LHFPL6: variants seen among roughly 807,000 people sequenced by gnomAD.
LHFPL6 encodes the protein LHFPL tetraspan subfamily member 6 protein.
In LHFPL6, 9 loss-of-function variants were observed where a neutral mutation model predicts 20.6. The observed-to-expected ratio is 0.44, with a 90% CI of 0.26 to 0.76. LHFPL6 has a LOEUF of 0.76. LHFPL6 is among the 30% of genes least tolerant of loss of function. The pLI is 0.20. For synonymous variants in LHFPL6, 105 were observed against 98.7 expected (o/e 1.06, Z -0.38); for missense variants, 218 against 253.5 (o/e 0.86, Z 0.95).
chr13:39,545,980 T>C (rs1870970899), intron 2 of LHFPL6, among the ~76,000 whole-genome samples: 1 of 152,174 alleles, frequency 6.6e-6, no homozygotes, highest in Non-Finnish European at 1.5e-5. Flanking sequence ...TTATTGTTTT[T>C]CTTTTCCCTA....
chr13:39,530,520 C>T (rs775815591), intron 2 of LHFPL6, among the ~76,000 whole-genome samples: 4 of 152,076 alleles, frequency 2.6e-5, no homozygotes, highest in African/African-American at 4.8e-5. Context: ...CATCACACTG[C>T]ACAAATTCAA....
At chr13:39,482,375 G>A (rs1416183639) in intron 2 of LHFPL6, among the ~76,000 whole-genome samples, 2 of 152,042 alleles carry the variant, frequency 1.3e-5, no homozygotes, top group Non-Finnish European at 2.9e-5. Flanking sequence ...ACCTAGGGGT[G>A]GAGGTTGTGG....
chr13:39,537,992 CTTT>C (rs57732900), intron 2 of LHFPL6, among the ~76,000 whole-genome samples: 4 of 43,560 alleles, frequency 9.2e-5, no homozygotes, highest in Admixed American at 2.7e-4. Flanking sequence ...TTCTTTCTTT[CTTT>C]TTTTTTTTTT....
intron 2 of LHFPL6, among the ~76,000 whole-genome samples, chr13:39,499,022 G>A (rs150877566): frequency 2.2e-4 from 34 of 152,160 alleles, no homozygotes; most frequent in African/African-American, 7.0e-4. Flanking sequence ...CACCACGTCC[G>A]GCTAAATTTT....
rs191342689 is a variant in LHFPL6 at position 39,515,829 on chromosome 13, C to A, written c.385+85003G>T. 3.9e-3 allele frequency among the ~76,000 whole-genome samples: 587 copies of A among 151,834 alleles called. 6 individuals carry two copies. Among genetic ancestry groups the A allele is most frequent in the African/African-American group, 0.014 (565 of 41,374 alleles). ...AAGCATTATTAACTAAGAGAGGAGG[C>A]CAATAATAAAAACTATTTGTTTTCA... is the stretch of plus-strand genomic sequence containing the variant. On this transcript the variant is annotated intron_variant, in intron 2 of 3. Transcript: ENST00000379589.
At chr13:39,471,640 C>T (rs1005777609) in intron 2 of LHFPL6, among the ~76,000 whole-genome samples, 1 of 152,196 alleles carries the variant, frequency 6.6e-6, no homozygotes, top group East Asian at 1.9e-4. Context: ...AGCTGTGTTG[C>T]TAAGTTGAAT....
At chr13:39,451,704 T>C (rs1872447245) in intron 2 of LHFPL6, among the ~76,000 whole-genome samples, 2 of 152,260 alleles carry the variant, frequency 1.3e-5, no homozygotes, top group African/African-American at 4.8e-5. Context: ...CTACTGTTAA[T>C]ATTTTCTTTT....
chr13:39,584,961 T>G (rs1872402997), intron 2 of LHFPL6, among the ~76,000 whole-genome samples: 1 of 152,172 alleles, frequency 6.6e-6, no homozygotes, highest in Non-Finnish European at 1.5e-5. Context: ...AAGTCTATGG[T>G]GACTCTGACC....
chr13:39,476,843 C>A (rs903349783), intron 2 of LHFPL6, among the ~76,000 whole-genome samples: 3 of 152,154 alleles, frequency 2.0e-5, no homozygotes, highest in Non-Finnish European at 4.4e-5. Flanking sequence ...AAAGCAGTGT[C>A]CCAGTTTAAC....
intron 2 of LHFPL6, among the ~76,000 whole-genome samples, chr13:39,439,804 C>A (rs1364313617): frequency 2.6e-5 from 4 of 152,138 alleles, no homozygotes; most frequent in African/African-American, 9.7e-5. Flanking sequence ...CCTCACTCCC[C>A]CTTTGCCTTC....
chr13:39,347,878 A>G lies in LHFPL6; in HGVS notation c.485-3824T>C, dbSNP rs190906459. On this transcript the variant is annotated intron_variant, in intron 3 of 3. Coordinates refer to ENST00000379589, the MANE Select transcript of LHFPL6 (RefSeq NM_005780.3). ...GGGCTCATAACACAGAATACAATCA[A>G]TTGTTCATTATTAATAATGTATTGA... Among the ~76,000 whole-genome samples, 45 of 152,336 alleles carry G rather than the reference A, an allele frequency of 3.0e-4. No individual in the cohort carries two copies. In the East Asian group the frequency reaches 7.9e-3, roughly 27 times the overall value.
intron 2 of LHFPL6, 90 bp downstream of exon 2, chr13:39,600,742 T>G (rs759483003): frequency 7.7e-7 from 1 of 1,296,834 alleles, no homozygotes; most frequent in African/African-American, 1.5e-5. Context: ...CCAGGTGTCA[T>G]TTATAATAAT....
intron 2 of LHFPL6, among the ~76,000 whole-genome samples, chr13:39,554,041 T>C (rs1871225065): frequency 6.6e-6 from 1 of 152,256 alleles, no homozygotes; most frequent in Admixed American, 6.5e-5. Flanking sequence ...GAAAGGCTCA[T>C]CTACCTTTCA....
intron 2 of LHFPL6, among the ~76,000 whole-genome samples, chr13:39,496,410 T>C (rs1869102473): frequency 6.6e-6 from 1 of 152,176 alleles, no homozygotes. Flanking sequence ...AGGATTTCTA[T>C]ATATGAATGG....
chr13:39,454,237 G>T (rs1271451286), intron 2 of LHFPL6, among the ~76,000 whole-genome samples: 2 of 152,156 alleles, frequency 1.3e-5, no homozygotes, highest in African/African-American at 2.4e-5. Context: ...AAACTAAGAT[G>T]ATCAAAACCT....
intron 2 of LHFPL6, among the ~76,000 whole-genome samples, chr13:39,390,469 G>T (rs762241289): frequency 6.6e-6 from 1 of 152,094 alleles, no homozygotes; most frequent in Non-Finnish European, 1.5e-5. Flanking sequence ...TTGCACTCCA[G>T]CCTGGGAGAG....
chr13:39,562,083 T>C (rs901143198), intron 2 of LHFPL6, among the ~76,000 whole-genome samples: 2 of 152,180 alleles, frequency 1.3e-5, no homozygotes, highest in Non-Finnish European at 1.5e-5. Context: ...CAATAACTCC[T>C]ACAATATGCA....
At chr13:39,415,194 T>A (rs1002335469) in intron 2 of LHFPL6, among the ~76,000 whole-genome samples, 14 of 152,158 alleles carry the variant, frequency 9.2e-5, no homozygotes, top group Admixed American at 8.5e-4. Context: ...ACTGAGCTGG[T>A]GGGATCAAAG....
chr13:39,357,769 C>T (rs1869764536), intron 3 of LHFPL6, among the ~76,000 whole-genome samples: 1 of 151,998 alleles, frequency 6.6e-6, no homozygotes, highest in Non-Finnish European at 1.5e-5. Context: ...AAATAAAATA[C>T]CTAGGAATAC....
Sources: allele counts gnomAD v4.1 joint callset (sites outside exome capture counted in the v4.1 genomes callset), GRCh38; gene constraint gnomAD v4.1.1; transcripts MANE v1.5; gene names NCBI Gene and HGNC (gene_info 2026-07-23, HGNC 2026-07-21).